Variants in ADAM19 observed in about 807,000 individuals in gnomAD.
The protein encoded by ADAM19 is ADAM metallopeptidase domain 19, also known as disintegrin and metalloproteinase domain-containing protein 19.
ADAM19 carries 65 observed loss-of-function variants against 114.7 expected under a neutral mutation model. That is an observed-to-expected ratio of 0.57 (90% CI 0.46 to 0.70). ADAM19 has a LOEUF of 0.70. Ranked by LOEUF, ADAM19 falls within the 30% of genes least tolerant of loss-of-function variation. The pLI, the probability that ADAM19 is intolerant of heterozygous loss-of-function variation, is 0.00. For synonymous variants in ADAM19, 466 were observed against 460.5 expected (o/e 1.01, Z -0.15); for missense variants, 1,063 against 1,204.7 (o/e 0.88, Z 1.74).
intron 3 of ADAM19, among the ~76,000 whole-genome samples, chr5:157,541,565 C>G (rs1386712875): frequency 6.6e-6 from 1 of 152,048 alleles, no homozygotes; most frequent in East Asian, 1.9e-4. Flanking sequence ...CTTCAGACTC[C>G]CACCTAGGAA....
intron 9 of ADAM19, 56 bp downstream of exon 9, chr5:157,509,245 G>A: frequency 1.3e-6 from 2 of 1,515,844 alleles, no homozygotes; most frequent in Admixed American, 3.8e-5. Context: ...CATGTGCTGG[G>A]TGGGCAGAGG....
At chr5:157,516,237 G>A (rs1756086184) in intron 7 of ADAM19, among the ~76,000 whole-genome samples, 1 of 152,146 alleles carries the variant, frequency 6.6e-6, no homozygotes, top group Non-Finnish European at 1.5e-5. Flanking sequence ...ATCATTCAAA[G>A]CCTTCAGCGG....
intron 1 of ADAM19, among the ~76,000 whole-genome samples, chr5:157,571,492 A>C (rs1034169577): frequency 2.0e-5 from 3 of 152,220 alleles, no homozygotes; most frequent in African/African-American, 7.2e-5. Flanking sequence ...AGTTGGTATG[A>C]GATGTGGTCA....
chr5:157,495,728 G>A (rs931863960), intron 14 of ADAM19, among the ~76,000 whole-genome samples: 1 of 152,054 alleles, frequency 6.6e-6, no homozygotes, highest in Non-Finnish European at 1.5e-5. Context: ...CTGCCTCCCA[G>A]TTTCAAGAGA....
intron 5 of ADAM19, among the ~76,000 whole-genome samples, chr5:157,523,415 A>C (rs1428575056): frequency 6.6e-6 from 1 of 152,232 alleles, no homozygotes; most frequent in Non-Finnish European, 1.5e-5. Flanking sequence ...TGTTAGGGTC[A>C]TGGGGTGGAT....
At chr5:157,481,160 C>T in intron 22 of ADAM19, 158 bp from the exon 23 acceptor site, 1 of 939,426 alleles carries the variant, frequency 1.1e-6, no homozygotes, top group Non-Finnish European at 1.6e-6. Flanking sequence ...CTCACCCAGA[C>T]CATCAGCCCT....
At chr5:157,519,403 C>A (rs1756205439) in intron 6 of ADAM19, among the ~76,000 whole-genome samples, 1 of 152,212 alleles carries the variant, frequency 6.6e-6, no homozygotes, top group Admixed American at 6.5e-5. Flanking sequence ...GTGCCCCAGC[C>A]TCCCAAAGTA....
intron 11 of ADAM19, among the ~76,000 whole-genome samples, chr5:157,505,418 C>T (rs1755712259): frequency 6.6e-6 from 1 of 152,240 alleles, no homozygotes; most frequent in Non-Finnish European, 1.5e-5. Context: ...AATTTTATAA[C>T]TCAACACCTT....
At position 157,479,139 on chromosome 5, in the gene ADAM19, C is replaced by G. The variant is rs558200202; in HGVS notation, c.*1810G>C. On this transcript the variant is annotated 3_prime_UTR_variant, in exon 23 of 23. Transcript: ENST00000257527. ...GATGACCCACAGCAAGGATGACCCA[C>G]GGCAAGGACATGGGGAACCTGTATC... 4.1e-6 allele frequency: 4 copies of G among 985,796 alleles called. No individual in the cohort carries two copies. The African/African-American group carries it at 7.0e-5, about 17-fold the overall frequency. The allele number at this position is 985,796 out of a possible 1,614,324, so 61.1% of individuals were successfully genotyped here. A position where few individuals can be genotyped will look rare whatever the true frequency, so the allele number is the denominator to read the frequency against.
Position 157,537,981 on chromosome 5 carries a change from C to T in ADAM19, c.262G>A (p.Ala88Thr). 6.2e-7 allele frequency: 1 copy of T among 1,613,640 alleles called. No individual in the cohort carries two copies. Among genetic ancestry groups the T allele is most frequent in the Non-Finnish European group, 8.5e-7 (1 of 1,179,764 alleles). ...TAATGGGTTTCTGTGTAGGAAGGAG[C>T]AAAAAGTTGCCTGCAAAAAATAAAA... is the stretch of plus-strand genomic sequence containing the variant. ...LDLEKNEQLF[A>T]PSYTETHYTS... The change falls in exon 4 of 23, where the codon GCT becomes ACT. Residue 88 changes from alanine to threonine, a missense_variant. Ala to Thr is a moderately conservative substitution (Grantham distance 58). This residue lies in a region of ADAM19 where 615 missense variants were observed against 706.3 expected (regional missense o/e 0.87). Coordinates refer to ENST00000257527, the MANE Select transcript of ADAM19 (RefSeq NM_033274.5).
chr5:157,536,192 C>T (rs1034294799), intron 4 of ADAM19, among the ~76,000 whole-genome samples: 5 of 152,174 alleles, frequency 3.3e-5, no homozygotes, highest in Non-Finnish European at 4.4e-5. Context: ...CTATGCGCCA[C>T]GTCTCTTGGA....
chr5:157,565,383 T>G (rs1040078834), intron 2 of ADAM19, among the ~76,000 whole-genome samples: 12 of 152,152 alleles, frequency 7.9e-5, no homozygotes, highest in Non-Finnish European at 1.5e-4. Flanking sequence ...TGACGGCAAC[T>G]CTCTGAAAGA....
At chr5:157,504,379 T>C (rs1755671197) in intron 11 of ADAM19, among the ~76,000 whole-genome samples, 1 of 152,134 alleles carries the variant, frequency 6.6e-6, no homozygotes, top group South Asian at 2.1e-4. Context: ...GCCTCCCTAG[T>C]AGCTGGGACC....
At chr5:157,542,081 G>A (rs1057366508) in intron 3 of ADAM19, among the ~76,000 whole-genome samples, 2 of 152,072 alleles carry the variant, frequency 1.3e-5, no homozygotes, top group African/African-American at 4.8e-5. Flanking sequence ...GCCTTGGGAG[G>A]TCCACTTTTC....
chr5:157,549,928 T>C (rs190890276), intron 3 of ADAM19, among the ~76,000 whole-genome samples: 9 of 152,308 alleles, frequency 5.9e-5, no homozygotes, highest in Admixed American at 2.6e-4. Context: ...GCAATAAGAA[T>C]ACTGATACAT....
At chr5:157,564,330 G>A (rs377074048) in intron 3 of ADAM19, 43 bp downstream of exon 3, 4 of 1,579,990 alleles carry the variant, frequency 2.5e-6, no homozygotes, top group Non-Finnish European at 3.5e-6. Context: ...CGTTGACACA[G>A]AAGTTATTTG....
chr5:157,561,347 T>C (rs1412480943), intron 3 of ADAM19, among the ~76,000 whole-genome samples: 1 of 152,224 alleles, frequency 6.6e-6, no homozygotes, highest in East Asian at 1.9e-4. Context: ...ATGTGTGAAT[T>C]CCATTAAAGG....
At chr5:157,561,808 C>T (rs568180339) in intron 3 of ADAM19, among the ~76,000 whole-genome samples, 1 of 152,094 alleles carries the variant, frequency 6.6e-6, no homozygotes, top group South Asian at 2.1e-4. Context: ...GGTGCACTCA[C>T]TTGTCTGCTT....
intron 4 of ADAM19, among the ~76,000 whole-genome samples, chr5:157,532,875 A>G (rs1460077406): frequency 6.6e-6 from 1 of 152,206 alleles, no homozygotes; most frequent in African/African-American, 2.4e-5. Context: ...GCAGTTCCAC[A>G]ACTCTCTCTG....
Sources: gnomAD v4.1 joint callset for allele counts (sites outside exome capture counted in the v4.1 genomes callset) on GRCh38, gnomAD v4.1.1 for gene constraint, gnomAD v4.1.1 regional missense constraint, MANE v1.5 for transcripts, NCBI Gene and HGNC (gene_info 2026-07-23, HGNC 2026-07-21) for gene names.